Variants in CYSLTR2 observed in about 807,000 individuals in gnomAD.
The protein encoded by CYSLTR2 is cysteinyl leukotriene receptor 2.
For synonymous variants in CYSLTR2, 179 were observed against 160.8 expected, an observed-to-expected ratio of 1.11 and a Z score of -0.86; for missense variants, 398 against 411.9, an observed-to-expected ratio of 0.97 and a Z score of 0.29.
At chr13:48,695,479 C>T (rs1052378014) in intron 3 of CYSLTR2, among the ~76,000 whole-genome samples, 2 of 151,410 alleles carry the variant, frequency 1.3e-5, no homozygotes, top group Admixed American at 1.3e-4. Flanking sequence ...CAAACTCCTG[C>T]ACAGCCCAAA....
At chr13:48,667,120 C>T (rs1442032210) in intron 1 of CYSLTR2, among the ~76,000 whole-genome samples, 2 of 152,106 alleles carry the variant, frequency 1.3e-5, no homozygotes, top group Non-Finnish European at 2.9e-5. Context: ...GACCTTGGTT[C>T]TACGTAGACA....
At chr13:48,691,020 CT>C (rs947667990) in intron 1 of CYSLTR2, among the ~76,000 whole-genome samples, 191 bp from the exon 2 acceptor site, 9 of 152,042 alleles carry the variant, frequency 5.9e-5, no homozygotes, top group Admixed American at 5.2e-4. Flanking sequence ...TATAAGTATT[CT>C]TTTTTTCTTT....
chr13:48,705,638 T>C (rs1954461899), intron 4 of CYSLTR2, among the ~76,000 whole-genome samples: 1 of 149,096 alleles, frequency 6.7e-6, no homozygotes, highest in Non-Finnish European at 1.5e-5. Context: ...TACATATATA[T>C]ATATCTTATG....
At chr13:48,671,856 C>G (rs770422990) in intron 1 of CYSLTR2, among the ~76,000 whole-genome samples, 1 of 151,614 alleles carries the variant, frequency 6.6e-6, no homozygotes, top group African/African-American at 2.4e-5. Flanking sequence ...GGTATGGTAC[C>G]AGCTCCTCTT....
chr13:48,668,785 G>A (rs1953338195), intron 1 of CYSLTR2, among the ~76,000 whole-genome samples: 2 of 152,030 alleles, frequency 1.3e-5, no homozygotes, highest in Admixed American at 1.3e-4. Flanking sequence ...AGGCTCTGAT[G>A]TGTGATGTTC....
At chr13:48,673,832 C>G (rs1566087681) in intron 1 of CYSLTR2, among the ~76,000 whole-genome samples, 1 of 152,264 alleles carries the variant, frequency 6.6e-6, no homozygotes, top group East Asian at 1.9e-4. Context: ...GACAAAATCC[C>G]TCACCATTTG....
chr13:48,703,738 C>T (rs1954410907), intron 4 of CYSLTR2, among the ~76,000 whole-genome samples: 2 of 152,110 alleles, frequency 1.3e-5, no homozygotes, highest in Admixed American at 6.6e-5. Context: ...TAATACTTAG[C>T]TTCAATAAAA....
At chr13:48,663,379 G>A (rs1285779059) in intron 1 of CYSLTR2, among the ~76,000 whole-genome samples, 5 of 152,106 alleles carry the variant, frequency 3.3e-5, no homozygotes, top group African/African-American at 1.2e-4. Context: ...TGTGAAGAAT[G>A]TCATGGGTAT....
Position 48,672,264 on chromosome 13 carries a change from G to A in CYSLTR2, c.-266+18247G>A, listed in dbSNP as rs377140579. Among the ~76,000 whole-genome samples, 21 of 151,936 alleles carry A rather than the reference G, an allele frequency of 1.4e-4. No individual in the cohort carries two copies. The East Asian group carries it at 3.5e-3, about 25-fold the overall frequency. Reference sequence around the variant, plus strand: ...GAATTCATTTTTTAAAGGGTTTTTTGTGTCTCTATCTCTTTCAGTTCTGCT... The same window carrying A: ...GAATTCATTTTTTAAAGGGTTTTTTATGTCTCTATCTCTTTCAGTTCTGCT... On this transcript the variant is annotated intron_variant, in intron 1 of 4. Coordinates refer to ENST00000682523, the MANE Select transcript of CYSLTR2 (RefSeq NM_001308476.3).
chr13:48,697,674 G>A (rs1954228990), intron 4 of CYSLTR2, among the ~76,000 whole-genome samples: 1 of 152,236 alleles, frequency 6.6e-6, no homozygotes, highest in Admixed American at 6.5e-5. Context: ...ACTTTGAAGA[G>A]TTGAGAGAAG....
chr13:48,701,992 C>G (rs1292813237), intron 4 of CYSLTR2, among the ~76,000 whole-genome samples: 1 of 151,970 alleles, frequency 6.6e-6, no homozygotes, highest in Admixed American at 6.6e-5. Context: ...TTCACAATAG[C>G]AAAGACTTGG....
rs1157589980 is a variant in CYSLTR2, at chr13:48,710,205, A to G, written c.*2347A>G. The G allele has an allele frequency of 1.3e-5, 2 of 152,232 alleles. No individual in the cohort carries two copies. The highest frequency in any genetic ancestry group is 2.1e-4 in the South Asian group (1 of 4,836). The allele number at this position is 152,232 out of a possible 1,614,324, so 9.4% of individuals were successfully genotyped here. A position where few individuals can be genotyped will look rare whatever the true frequency, so the allele number is the denominator to read the frequency against. ...AGTTACAGCCAGCCAGTCTGAAAAT[A>G]TTAAATGGAAAATTCCAGAAATAAT... On this transcript the variant is annotated 3_prime_UTR_variant, in exon 5 of 5. Transcript: ENST00000682523.
At chr13:48,664,502 A>G (rs1953211001) in intron 1 of CYSLTR2, among the ~76,000 whole-genome samples, 1 of 151,768 alleles carries the variant, frequency 6.6e-6, no homozygotes, top group Admixed American at 6.6e-5. Context: ...CAATCTTATT[A>G]TATGTTTTTG....
At position 48,707,664 on chromosome 13, in the gene CYSLTR2, C is replaced by G. The variant is rs762080474; in HGVS notation, c.847C>G (p.Leu283Val). The G allele has an allele frequency of 3.1e-6, 5 of 1,614,026 alleles. No individual in the cohort carries two copies. The African/African-American group carries it at 6.7e-5, about 22-fold the overall frequency. Residue 283 changes from leucine (L) to valine (V), a missense_variant, in exon 5 of 5, where the codon CTG becomes GTG. By Grantham distance (32) the Leu-to-Val change is conservative (BLOSUM62 1). Transcript: ENST00000682523. ...TWKVGLCKDRLHKALVITLAL... is the reference protein window; with the variant it reads ...TWKVGLCKDRVHKALVITLAL... ...GAAAGTGGGTTTATGCAAAGACAGA[C>G]TGCATAAAGCTTTGGTTATCACACT...
chr13:48,674,306 CTTTG>C (rs778692458), intron 1 of CYSLTR2, among the ~76,000 whole-genome samples: 7 of 152,098 alleles, frequency 4.6e-5, no homozygotes, highest in Non-Finnish European at 5.9e-5. Flanking sequence ...TATTTTGAGG[CTTTG>C]TTTGTTCCTT....
At position 48,696,621 on chromosome 13, in the gene CYSLTR2, A is replaced by G. The variant is rs901714864; in HGVS notation, c.-7A>G. The stretch of plus-strand genomic sequence containing the variant: ...AAGACGGGTGATTTCTGCATTTCCA[A>G]CTGAGGTACTGGGTTCATCTCACTG... On this transcript the variant is annotated 5_prime_UTR_variant, in exon 4 of 5. Coordinates refer to ENST00000682523, the MANE Select transcript of CYSLTR2 (RefSeq NM_001308476.3). The G allele has an allele frequency of 6.6e-6, 1 of 152,210 alleles. No homozygotes were observed. The highest frequency in any genetic ancestry group is 1.5e-5 in the Non-Finnish European group (1 of 68,058). 9.4% of individuals were successfully genotyped at this position (152,210 alleles called of 1,614,324 possible).
intron 1 of CYSLTR2, among the ~76,000 whole-genome samples, chr13:48,661,021 G>C (rs1953114448): frequency 6.6e-6 from 1 of 152,112 alleles, no homozygotes; most frequent in African/African-American, 2.4e-5. Flanking sequence ...TGCCATTCAT[G>C]TATTATCTCA....
Position 48,707,114 on chromosome 13 carries a change from T to C in CYSLTR2, c.297T>C (p.Leu99=). 1.2e-6 allele frequency: 2 copies of C among 1,614,216 alleles called. No individual in the cohort carries two copies. The highest frequency in any genetic ancestry group is 1.3e-5 in the African/African-American group (1 of 75,072). ...TTCCCTTCAGGGCTGACTATTATCTTAGAGGCTCCAATTGGATATTTGGAG... is the reference window on the plus strand; with the variant it reads ...TTCCCTTCAGGGCTGACTATTATCTCAGAGGCTCCAATTGGATATTTGGAG... ...STLPFRADYY[L]RGSNWIFGDL... Residue 99 remains leucine (L), a synonymous_variant, in exon 5 of 5, where the codon CTT becomes CTC. Transcript: ENST00000682523.
At chr13:48,672,010 G>A (rs1226172546) in intron 1 of CYSLTR2, among the ~76,000 whole-genome samples, 1 of 151,912 alleles carries the variant, frequency 6.6e-6, no homozygotes, top group Non-Finnish European at 1.5e-5. Flanking sequence ...GTTTAGTCTT[G>A]GGAGGGTGTA....
Sources: allele counts gnomAD v4.1 joint callset (sites outside exome capture counted in the v4.1 genomes callset), GRCh38; gene constraint gnomAD v4.1.1; transcripts MANE v1.5; gene names NCBI Gene and HGNC (gene_info 2026-07-23, HGNC 2026-07-21).